Variants in RNF115 observed in about 807,000 individuals in gnomAD.
The protein encoded by RNF115 is E3 ubiquitin-protein ligase RNF115.
RNF115 carries 31 observed loss-of-function variants against 39.2 expected under a neutral mutation model. The ratio of observed to expected loss-of-function variants is 0.79; its 90% CI spans 0.59 to 1.07. The LOEUF is 1.07. RNF115 is among the 50% of genes least tolerant of loss of function. RNF115 has a pLI of 0.00. For synonymous variants in RNF115, 124 were observed against 131.0 expected (o/e 0.95, Z 0.37); for missense variants, 384 against 381.7 (o/e 1.01, Z -0.05).
At chr1:145,787,402 T>C (rs1553718229) in intron 2 of RNF115, among the ~76,000 whole-genome samples, 3 of 151,362 alleles carry the variant, frequency 2.0e-5, no homozygotes, top group Admixed American at 6.6e-5. Context: ...TGAAACCCCA[T>C]CTCTACTAAG....
At chr1:145,786,373 T>C (rs1648380713) in intron 2 of RNF115, among the ~76,000 whole-genome samples, 1 of 152,222 alleles carries the variant, frequency 6.6e-6, no homozygotes, top group Non-Finnish European at 1.5e-5. Context: ...TTATGAACTT[T>C]ATAGAAGGAA....
chr1:145,802,872 C>G (rs1237372821), intron 1 of RNF115, among the ~76,000 whole-genome samples: 2 of 152,156 alleles, frequency 1.3e-5, no homozygotes, highest in Non-Finnish European at 2.9e-5. Flanking sequence ...TACTCTGATG[C>G]TAAGTCTCGT....
chr1:145,791,733 T>C (rs1371888970), intron 1 of RNF115, among the ~76,000 whole-genome samples: 3 of 152,178 alleles, frequency 2.0e-5, no homozygotes, highest in Admixed American at 6.5e-5. Context: ...GTAATACATC[T>C]TTCTTTTAAG....
At chr1:145,748,550 A>G (rs1657962048) in intron 7 of RNF115, among the ~76,000 whole-genome samples, 3 of 152,186 alleles carry the variant, frequency 2.0e-5, no homozygotes, top group Admixed American at 6.5e-5. Context: ...CAGCGTCTCA[A>G]GCCACTTGCC....
intron 4 of RNF115, among the ~76,000 whole-genome samples, chr1:145,755,030 G>A (rs895789057): frequency 3.3e-5 from 5 of 152,002 alleles, no homozygotes; most frequent in African/African-American, 7.3e-5. Context: ...TGGATCACTT[G>A]AGGTCAGGAG....
intron 1 of RNF115, among the ~76,000 whole-genome samples, chr1:145,794,886 G>A (rs1571764371): frequency 6.6e-6 from 1 of 151,910 alleles, no homozygotes; most frequent in East Asian, 1.9e-4. Flanking sequence ...GCGTGGTGGC[G>A]GGCGCCTGTA....
intron 1 of RNF115, among the ~76,000 whole-genome samples, chr1:145,797,930 A>C (rs1352661633): frequency 6.6e-6 from 1 of 152,106 alleles, no homozygotes; most frequent in Non-Finnish European, 1.5e-5. Flanking sequence ...ATGTGTCTTG[A>C]CCATTGGTTT....
intron 1 of RNF115, among the ~76,000 whole-genome samples, chr1:145,802,749 ACT>A (rs1399074874): frequency 1.3e-5 from 2 of 152,122 alleles, no homozygotes; most frequent in African/African-American, 4.8e-5. Flanking sequence ...TATTGTTTAT[ACT>A]CTCTTTGAGT....
intron 1 of RNF115, among the ~76,000 whole-genome samples, chr1:145,794,867 A>C (rs976566053): frequency 6.6e-6 from 1 of 151,786 alleles, no homozygotes; most frequent in Non-Finnish European, 1.5e-5. Flanking sequence ...AATACAAAAA[A>C]TTAGCCGTGC....
At chr1:145,754,871 G>A (rs974492698) in intron 4 of RNF115, among the ~76,000 whole-genome samples, 1 of 152,058 alleles carries the variant, frequency 6.6e-6, no homozygotes, top group Admixed American at 6.6e-5. Context: ...TCCCTTCAGT[G>A]TGGGCTGGAC....
intron 4 of RNF115, among the ~76,000 whole-genome samples, chr1:145,761,190 T>C (rs782034824): frequency 6.6e-6 from 1 of 152,224 alleles, no homozygotes; most frequent in Non-Finnish European, 1.5e-5. Context: ...GGAAAATTTG[T>C]AGCCTATGTG....
At chr1:145,764,235 G>C (rs1226239084) in intron 4 of RNF115, among the ~76,000 whole-genome samples, 3 of 152,206 alleles carry the variant, frequency 2.0e-5, no homozygotes, top group Non-Finnish European at 2.9e-5. Context: ...GCCCAGGCTG[G>C]AGTGCAGTGG....
intron 2 of RNF115, among the ~76,000 whole-genome samples, chr1:145,787,325 A>C (rs1362998411): frequency 1.3e-5 from 2 of 152,150 alleles, no homozygotes; most frequent in Non-Finnish European, 2.9e-5. Flanking sequence ...TGTAATCCCA[A>C]CACTTTGGGA....
At chr1:145,789,025 G>C in intron 1 of RNF115, 59 bp from the exon 2 acceptor site, 1 of 1,062,988 alleles carries the variant, frequency 9.4e-7, no homozygotes. Context: ...CGTGGTATCT[G>C]TAGTTTCAGA....
intron 1 of RNF115, among the ~76,000 whole-genome samples, chr1:145,818,308 G>GT (rs1650079443): frequency 1.3e-5 from 2 of 151,428 alleles, no homozygotes; most frequent in Non-Finnish European, 2.9e-5. Flanking sequence ...GTGTGAGATG[G>GT]TATCTCGCTG....
rs1042056549 is a variant in RNF115, at chr1:145,796,480, G to A, written c.103-7514C>T. Among the ~76,000 whole-genome samples, 9 of 150,660 alleles carry A rather than the reference G, an allele frequency of 6.0e-5. No individual in the cohort carries two copies. In the South Asian group the frequency reaches 6.3e-4, roughly 11 times the overall value. ...CTCCCTCTGTCACCCAAGCTGGAGC[G>A]CAGTGGCATGATCTCAACTCATTGT... On this transcript the variant is annotated intron_variant, in intron 1 of 8. Coordinates refer to ENST00000582693, the MANE Select transcript of RNF115 (RefSeq NM_014455.4).
intron 1 of RNF115, among the ~76,000 whole-genome samples, chr1:145,817,957 A>G (rs1650063211): frequency 7.7e-6 from 1 of 129,086 alleles, no homozygotes; most frequent in Admixed American, 8.0e-5. Flanking sequence ...GCTGTATAGT[A>G]TCCCATGATG....
rs17352469 is a variant in RNF115 at position 145,741,704 on chromosome 1, T to C, written c.*5162A>G. ...CAATCCCCAGATCTCCAATGGATTA[T>C]TCTTGTAAACAGCACTTTTACCTTC... On this transcript the variant is annotated 3_prime_UTR_variant, in exon 9 of 9. Coordinates refer to ENST00000582693, the MANE Select transcript of RNF115 (RefSeq NM_014455.4). 0.28 allele frequency: 42,016 copies of C among 152,240 alleles called. 6,759 individuals are homozygous for C. Among genetic ancestry groups the C allele is most frequent in the Non-Finnish European group, 0.35 (24,089 of 68,022 alleles). The allele number at this position is 152,240 out of a possible 1,614,324, so 9.4% of individuals were successfully genotyped here. A position where few individuals can be genotyped will look rare whatever the true frequency, so the allele number is the denominator to read the frequency against.
At chr1:145,813,423 G>GT (rs1649822720) in intron 1 of RNF115, among the ~76,000 whole-genome samples, 1 of 152,070 alleles carries the variant, frequency 6.6e-6, no homozygotes, top group Admixed American at 6.6e-5. Flanking sequence ...TTTTCATTTT[G>GT]TTTTCAAACT....
Sources: gnomAD v4.1 joint callset for allele counts (sites outside exome capture counted in the v4.1 genomes callset) on GRCh38, gnomAD v4.1.1 for gene constraint, MANE v1.5 for transcripts, NCBI Gene and HGNC (gene_info 2026-07-23, HGNC 2026-07-21) for gene names.